Variants in TNRC6C observed in about 807,000 individuals in gnomAD.
TNRC6C encodes trinucleotide repeat containing adaptor 6C, also known as trinucleotide repeat-containing gene 6C protein.
A neutral mutation model predicts 153.7 loss-of-function variants in TNRC6C; 20 were observed. That is an observed-to-expected ratio of 0.13 (90% CI 0.09 to 0.19). The LOEUF (loss-of-function observed/expected upper bound fraction) is 0.19. TNRC6C is among the 10% of genes least tolerant of loss of function. The pLI is 1.00. For synonymous variants in TNRC6C, 811 were observed against 841.4 expected, an observed-to-expected ratio of 0.96 and a Z score of 0.63; for missense variants, 1,987 against 2,172.0, an observed-to-expected ratio of 0.91 and a Z score of 1.69.
intron 1 of TNRC6C, among the ~76,000 whole-genome samples, chr17:77,998,544 C>T (rs565540187): frequency 3.9e-5 from 6 of 152,272 alleles, no homozygotes; most frequent in Admixed American, 2.0e-4. Context: ...TTTCCAAATT[C>T]AGTAATTTTT....
At chr17:77,980,394 C>A (rs192052263) in intron 1 of TNRC6C, among the ~76,000 whole-genome samples, 61 of 152,298 alleles carry the variant, frequency 4.0e-4, no homozygotes, top group Non-Finnish European at 7.6e-4. Context: ...CAGTGATCAT[C>A]ACAGAGGACT....
chr17:78,059,427 G>A (rs1257478196), intron 3 of TNRC6C, among the ~76,000 whole-genome samples: 3 of 152,234 alleles, frequency 2.0e-5, no homozygotes. Flanking sequence ...TTGGGAGCCT[G>A]CTACGGAAGT....
At chr17:77,999,297 T>C (rs2071376426), upstream of TNRC6C, among the ~76,000 whole-genome samples, 1 of 152,238 alleles carries the variant, frequency 6.6e-6, no homozygotes, top group Admixed American at 6.5e-5. Context: ...GTCAGTGCCA[T>C]GCCTGCTACA....
At chr17:77,973,150 G>C (rs768317149) in intron 1 of TNRC6C, among the ~76,000 whole-genome samples, 17 of 152,036 alleles carry the variant, frequency 1.1e-4, no homozygotes, top group African/African-American at 4.1e-4. Context: ...CAGGTGATCC[G>C]CCCGTCTTGA....
intron 2 of TNRC6C, among the ~76,000 whole-genome samples, chr17:78,048,000 A>G (rs1360216533): frequency 2.0e-5 from 3 of 152,224 alleles, no homozygotes; most frequent in African/African-American, 7.2e-5. Flanking sequence ...AAGATGGCAT[A>G]TAAAGTTATT....
intron 8 of TNRC6C, among the ~76,000 whole-genome samples, chr17:78,076,381 A>G (rs2073085861): frequency 6.6e-6 from 1 of 152,216 alleles, no homozygotes; most frequent in Non-Finnish European, 1.5e-5. Flanking sequence ...GCCCCTCGCC[A>G]GTGGGGACTG....
chr17:78,032,881 C>T (rs1041062973), intron 2 of TNRC6C, among the ~76,000 whole-genome samples: 3 of 152,182 alleles, frequency 2.0e-5, no homozygotes, highest in African/African-American at 4.8e-5. Flanking sequence ...TCTTGGCTTT[C>T]GTCTGCTAAC....
At chr17:77,968,275 G>T (rs569306736) in intron 1 of TNRC6C, among the ~76,000 whole-genome samples, 1 of 150,746 alleles carries the variant, frequency 6.6e-6, no homozygotes, top group South Asian at 2.1e-4. Context: ...CTCGTGATTC[G>T]CCCACCTCGG....
chr17:78,081,222 C>T (rs1446484885), intron 10 of TNRC6C, among the ~76,000 whole-genome samples: 1 of 151,700 alleles, frequency 6.6e-6, no homozygotes, highest in Non-Finnish European at 1.5e-5. Context: ...TCCCAAAGGC[C>T]TCCGCTCTTA....
chr17:77,996,918 A>G (rs2071336810), intron 1 of TNRC6C, among the ~76,000 whole-genome samples: 1 of 152,198 alleles, frequency 6.6e-6, no homozygotes, highest in East Asian at 1.9e-4. Flanking sequence ...GAGGAAAGGA[A>G]GCTGAGTGGC....
At chr17:78,106,975 C>CT (rs1046451010) in exon 20 of TNRC6C, 11 of 151,618 alleles carry the variant, frequency 7.3e-5, no homozygotes, top group African/African-American at 2.7e-4. Flanking sequence ...GGGTTCAAGA[C>CT]TTTTTTTCTC....
chr17:77,997,311 T>C (rs1281761020), intron 1 of TNRC6C, among the ~76,000 whole-genome samples: 1 of 152,190 alleles, frequency 6.6e-6, no homozygotes, highest in Non-Finnish European at 1.5e-5. Flanking sequence ...GACCAGCTGA[T>C]TTTGTCATAC....
intron 2 of TNRC6C, among the ~76,000 whole-genome samples, chr17:78,034,007 A>G (rs1264630673): frequency 6.6e-6 from 1 of 152,156 alleles, no homozygotes; most frequent in Non-Finnish European, 1.5e-5. Flanking sequence ...AAGGCCCTTC[A>G]TAGCCGAGTC....
intron 3 of TNRC6C, among the ~76,000 whole-genome samples, chr17:78,061,699 T>C (rs1050075083): frequency 1.3e-5 from 2 of 152,210 alleles, no homozygotes; most frequent in African/African-American, 4.8e-5. Context: ...TAAATAAATA[T>C]CAAAATGGAA....
At chr17:78,018,457 G>A (rs527813793) in intron 1 of TNRC6C, among the ~76,000 whole-genome samples, 2 of 152,192 alleles carry the variant, frequency 1.3e-5, no homozygotes, top group African/African-American at 4.8e-5. Context: ...ATAATACTCA[G>A]TATTCACAGT....
chr17:78,057,237 A>T (rs1236401180), intron 3 of TNRC6C, among the ~76,000 whole-genome samples: 2 of 152,226 alleles, frequency 1.3e-5, no homozygotes, highest in Non-Finnish European at 2.9e-5. Flanking sequence ...TAAAGTGGCT[A>T]CACTGAGTAT....
intron 16 of TNRC6C, among the ~76,000 whole-genome samples, chr17:78,096,091 G>A (rs777986179): frequency 3.5e-4 from 54 of 152,274 alleles, no homozygotes; most frequent in Middle Eastern, 3.4e-3. Context: ...GATTACATGC[G>A]TGAGCCAGTG....
At chr17:78,101,116 G>A (rs2073586183) in intron 17 of TNRC6C, among the ~76,000 whole-genome samples, 1 of 152,124 alleles carries the variant, frequency 6.6e-6, no homozygotes, top group African/African-American at 2.4e-5. Context: ...TTATAAAACG[G>A]AATGCTTTTA....
chr17:77,988,641 A>G (rs1327280566), intron 1 of TNRC6C, among the ~76,000 whole-genome samples: 2 of 152,226 alleles, frequency 1.3e-5, no homozygotes, highest in African/African-American at 4.8e-5. Flanking sequence ...ACAGTTTTTC[A>G]AATTTTAAAA....
Sources: allele counts gnomAD v4.1 joint callset (sites outside exome capture counted in the v4.1 genomes callset), GRCh38; gene constraint gnomAD v4.1.1; transcripts MANE v1.5; gene names NCBI Gene and HGNC (gene_info 2026-07-23, HGNC 2026-07-21).